Variants in ZNF544 observed in about 807,000 individuals in gnomAD.
ZNF544 encodes the protein zinc finger protein 544.
ZNF544 carries 10 observed loss-of-function variants against 13.5 expected under a neutral mutation model. The observed-to-expected ratio is 0.74, with a 90% CI of 0.46 to 1.25. The LOEUF (loss-of-function observed/expected upper bound fraction) is 1.25. ZNF544 is among the 50% of genes most tolerant of loss of function. ZNF544 has a pLI of 0.00. For missense variants in ZNF544, 896 were observed against 845.6 expected (o/e 1.06, Z -0.74); for synonymous variants, 323 against 300.5 (o/e 1.07, Z -0.77).
chr19:58,266,996 AG>A (rs2050000419), downstream of ZNF544: 1 of 152,130 alleles, frequency 6.6e-6, no homozygotes, highest in African/African-American at 2.4e-5. Flanking sequence ...AAGGAGCAAA[AG>A]ATAAAGTCTC....
In ZNF544 at chr19:58,261,813, A is replaced by C; in HGVS notation, c.1207A>C (p.Thr403Pro). The change falls in exon 7 of 7, where the codon ACT (threonine) becomes CCT (proline). Residue 403 changes from threonine (T) to proline (P), a missense_variant. Coordinates refer to ENST00000687789, the MANE Select transcript of ZNF544 (RefSeq NM_014480.4). ...CCTTGTCATACATCAGAGGACACAC[A>C]CTGGAGAGAAGCCCTATGAGTGTGA... ...YDLVIHQRTH[T>P]GEKPYECDLC... The C allele has an allele frequency of 6.2e-7, 1 of 1,614,060 alleles. No homozygotes were observed. Among genetic ancestry groups the C allele is most frequent in the African/African-American group, 1.3e-5 (1 of 74,978 alleles).
intron 6 of ZNF544, chr19:58,257,356 G>T (rs2047708525): frequency 6.6e-6 from 1 of 152,372 alleles, no homozygotes; most frequent in East Asian, 1.9e-4. Flanking sequence ...AAAAGCACTG[G>T]TCGCAGAATT....
At chr19:58,242,675 C>T (rs1257165525) in intron 3 of ZNF544, among the ~76,000 whole-genome samples, 1 of 151,864 alleles carries the variant, frequency 6.6e-6, no homozygotes, top group African/African-American at 2.4e-5. Flanking sequence ...CCATGCCCGG[C>T]TAACGTTTTG....
chr19:58,266,480 A>C (rs915424233), downstream of ZNF544, among the ~76,000 whole-genome samples: 1 of 138,320 alleles, frequency 7.2e-6, no homozygotes, highest in Non-Finnish European at 1.5e-5. Context: ...ATGCCACTGC[A>C]CTCCAGCCTG....
chr19:58,235,191 G>C (rs2042124802), intron 3 of ZNF544, among the ~76,000 whole-genome samples: 1 of 152,232 alleles, frequency 6.6e-6, no homozygotes, highest in Non-Finnish European at 1.5e-5. Context: ...CTTGCTGCTA[G>C]GCTGCAAAGC....
chr19:58,273,598 G>A (rs2050929658), intron 5 of ZNF544, among the ~76,000 whole-genome samples: 1 of 151,126 alleles, frequency 6.6e-6, no homozygotes, highest in Non-Finnish European at 1.5e-5. Flanking sequence ...GATGAGGCAG[G>A]AGAATCGCTT....
At chr19:58,231,430 AGGACAG>A (rs1485803754) in intron 3 of ZNF544, among the ~76,000 whole-genome samples, 1 of 152,222 alleles carries the variant, frequency 6.6e-6, no homozygotes, top group Non-Finnish European at 1.5e-5. Flanking sequence ...ATTCAGGCAG[AGGACAG>A]GGTACAGTGC....
Position 58,261,669 on chromosome 19 carries a change from G to C in ZNF544, c.1063G>C (p.Val355Leu), listed in dbSNP as rs1568500071. 6.2e-7 allele frequency: 1 copy of C among 1,614,226 alleles called. No individual in the cohort carries two copies. Among genetic ancestry groups the C allele is most frequent in the African/African-American group, 1.3e-5 (1 of 75,066 alleles). ...NIIQTTEKPS[V>L]CNQCGKSFSC... The stretch of plus-strand genomic sequence containing the variant: ...CATTCAGACTACAGAGAAGCCATCT[G>C]TGTGTAATCAGTGTGGAAAATCTTT... Residue 355 changes from valine (V) to leucine (L), a missense_variant, in exon 7 of 7, where the codon GTG (valine) becomes CTG (leucine). By Grantham distance (32) the Val-to-Leu change is conservative (BLOSUM62 1). Coordinates refer to ENST00000687789, the MANE Select transcript of ZNF544 (RefSeq NM_014480.4).
chr19:58,232,200 A>G (rs1440344893), intron 3 of ZNF544, among the ~76,000 whole-genome samples: 1 of 152,140 alleles, frequency 6.6e-6, no homozygotes, highest in Non-Finnish European at 1.5e-5. Context: ...GATACGCTCT[A>G]CTTAGAAGAG....
intron 6 of ZNF544, chr19:58,257,825 T>C (rs981899991): frequency 1.3e-5 from 2 of 152,214 alleles, no homozygotes; most frequent in Non-Finnish European, 2.9e-5. Context: ...CTGGCTGCTT[T>C]CACTAAGCAA....
At chr19:58,253,135 T>C (rs952303243) in intron 6 of ZNF544, among the ~76,000 whole-genome samples, 15 of 152,144 alleles carry the variant, frequency 9.9e-5, no homozygotes, top group African/African-American at 3.6e-4. Flanking sequence ...CTTTCTTAAT[T>C]GGAAATGACC....
chr19:58,270,044 T>TA (rs983620326), intron 5 of ZNF544, among the ~76,000 whole-genome samples: 8 of 151,258 alleles, frequency 5.3e-5, no homozygotes, highest in East Asian at 1.9e-4. Flanking sequence ...ACCCATAACT[T>TA]AAAAAAAAAG....
rs1555768835 is a variant in ZNF544 at position 58,262,015 on chromosome 19, G to A, written c.1409G>A (p.Gly470Glu). Reference protein sequence around the residue: ...GEKPYECTHCGKSFSQSYELV... With the variant: ...GEKPYECTHCEKSFSQSYELV... ...AAACCGTATGAGTGCACTCACTGTGGAAAGTCCTTCAGCCAAAGCTATGAG... is the reference window on the plus strand; with the variant it reads ...AAACCGTATGAGTGCACTCACTGTGAAAAGTCCTTCAGCCAAAGCTATGAG... Residue 470 changes from glycine to glutamate, a missense_variant, in exon 7 of 7, where the codon GGA becomes GAA. Transcript: ENST00000687789. 1 of 1,613,224 alleles carries A rather than the reference G, an allele frequency of 6.2e-7. No individual in the cohort carries two copies. Among genetic ancestry groups the A allele is most frequent in the Non-Finnish European group, 8.5e-7 (1 of 1,179,932 alleles).
chr19:58,264,481 C>A (rs2049593151), downstream of ZNF544, among the ~76,000 whole-genome samples: 1 of 149,380 alleles, frequency 6.7e-6, no homozygotes, highest in Admixed American at 6.7e-5. Context: ...CACTTGAGGA[C>A]AGGCATTCAA....
At chr19:58,274,715 G>A (rs1186043324) in intron 5 of ZNF544, among the ~76,000 whole-genome samples, 1 of 152,094 alleles carries the variant, frequency 6.6e-6, no homozygotes, top group Non-Finnish European at 1.5e-5. Context: ...GAGAAGAGTG[G>A]CATTGTATTA....
chr19:58,273,597 G>A (rs2050929291), intron 5 of ZNF544, among the ~76,000 whole-genome samples: 1 of 151,494 alleles, frequency 6.6e-6, no homozygotes, highest in Non-Finnish European at 1.5e-5. Flanking sequence ...GGATGAGGCA[G>A]GAGAATCGCT....
At chr19:58,272,716 C>T (rs1035954763) in intron 5 of ZNF544, among the ~76,000 whole-genome samples, 6 of 151,036 alleles carry the variant, frequency 4.0e-5, no homozygotes, top group African/African-American at 1.5e-4. Context: ...AACCCCGTCT[C>T]TACTAAAAGA....
intron 3 of ZNF544, among the ~76,000 whole-genome samples, chr19:58,232,551 T>G (rs954494522): frequency 5.3e-5 from 8 of 151,732 alleles, no homozygotes; most frequent in Non-Finnish European, 1.2e-4. Flanking sequence ...TTGGTCTCAC[T>G]TAGTTGTCCA....
chr19:58,251,727 A>G (rs185454903), intron 6 of ZNF544, among the ~76,000 whole-genome samples: 1 of 152,182 alleles, frequency 6.6e-6, no homozygotes, highest in East Asian at 1.9e-4. Context: ...GCTCATAATA[A>G]TTTTTTCTCT....
Sources: gnomAD v4.1 joint callset for allele counts (sites outside exome capture counted in the v4.1 genomes callset) on GRCh38, gnomAD v4.1.1 for gene constraint, MANE v1.5 for transcripts, NCBI Gene and HGNC (gene_info 2026-07-23, HGNC 2026-07-21) for gene names.